Variants in DPP10 observed in about 807,000 individuals in gnomAD.
The protein encoded by DPP10 is dipeptidyl peptidase like 10, also known as inactive dipeptidyl peptidase 10.
A neutral mutation model predicts 120.9 loss-of-function variants in DPP10; 33 were observed. The ratio of observed to expected loss-of-function variants is 0.27; its 90% confidence interval spans 0.21 to 0.37. DPP10 has a LOEUF of 0.37. Among genes scored for constraint, DPP10 ranks in the 10% least tolerant of loss-of-function variants. The probability of loss-of-function intolerance (pLI) is 1.00; values close to 1 mark genes in which losing one functional copy is unlikely to be tolerated. For missense variants in DPP10, 816 were observed against 942.8 expected (o/e 0.87, Z 1.76); for synonymous variants, 337 against 326.1 (o/e 1.03, Z -0.36).
intron 3 of DPP10, among the ~76,000 whole-genome samples, chr2:115,464,568 T>C (rs2074197032): frequency 6.6e-6 from 1 of 152,042 alleles, no homozygotes; most frequent in Admixed American, 6.6e-5. Flanking sequence ...TGCCCCAGCC[T>C]GTATGTTGAA....
intron 1 of DPP10, among the ~76,000 whole-genome samples, chr2:115,300,823 C>A (rs1026970544): frequency 1.3e-5 from 2 of 151,812 alleles, no homozygotes; most frequent in Non-Finnish European, 2.9e-5. Flanking sequence ...AAATCTGAAG[C>A]CTTGTTTCTT....
chr2:115,048,532 T>G (rs928345209), intron 1 of DPP10, among the ~76,000 whole-genome samples: 1 of 152,078 alleles, frequency 6.6e-6, no homozygotes, highest in African/African-American at 2.4e-5. Flanking sequence ...TCACCAGTTG[T>G]TTTTTATTTG....
At chr2:114,954,079 C>CTT (rs1558917538) in intron 1 of DPP10, among the ~76,000 whole-genome samples, 1 of 30,762 alleles carries the variant, frequency 3.3e-5, no homozygotes. Flanking sequence ...ATTAAGAAGT[C>CTT]CTTTTTTTTT....
chr2:114,850,697 T>C (rs1378266952), intron 1 of DPP10, among the ~76,000 whole-genome samples: 1 of 152,014 alleles, frequency 6.6e-6, no homozygotes, highest in Admixed American at 6.6e-5. Flanking sequence ...GAATGGGGAG[T>C]CCACTTCTCT....
At chr2:115,352,359 A>G (rs1406136155) in intron 3 of DPP10, among the ~76,000 whole-genome samples, 1 of 152,202 alleles carries the variant, frequency 6.6e-6, no homozygotes, top group Non-Finnish European at 1.5e-5. Context: ...ACAGAGCTTC[A>G]TATATTCCAG....
chr2:114,560,365 G>T (rs1322357733), intron 1 of DPP10, among the ~76,000 whole-genome samples: 2 of 152,148 alleles, frequency 1.3e-5, no homozygotes, highest in Non-Finnish European at 2.9e-5. Flanking sequence ...ACAAAACAAA[G>T]AGAAGATGGT....
At chr2:115,315,461 A>G in intron 2 of DPP10, among the ~76,000 whole-genome samples, 1 of 152,150 alleles carries the variant, frequency 6.6e-6, no homozygotes, top group Admixed American at 6.6e-5. Flanking sequence ...ATAGTTAGTT[A>G]AAATGTTATG....
intron 1 of DPP10, among the ~76,000 whole-genome samples, chr2:114,873,155 G>A (rs1320331109): frequency 6.6e-6 from 1 of 152,160 alleles, no homozygotes; most frequent in Non-Finnish European, 1.5e-5. Flanking sequence ...CTAAAGTAAA[G>A]AAGTCCTTTA....
At chr2:115,553,027 C>T (rs529930731) in intron 5 of DPP10, among the ~76,000 whole-genome samples, 1 of 152,158 alleles carries the variant, frequency 6.6e-6, no homozygotes, top group South Asian at 2.1e-4. Flanking sequence ...CAGACAAAAA[C>T]GTCCCTGTAG....
chr2:114,820,439 A>G lies in DPP10; in HGVS notation c.60+377601A>G, dbSNP rs189520496. Among the ~76,000 whole-genome samples, 259 of 152,356 alleles carry G rather than the reference A, an allele frequency of 1.7e-3. 2 individuals carry two copies. The highest frequency in any genetic ancestry group is 5.8e-3 in the African/African-American group (240 of 41,590). ...CAACAGGTCTTTGATTTTTGAAAGT[A>G]GTAAGTGTATCTATTAAGCAGTAAA... On this transcript the variant is annotated intron_variant, in intron 1 of 25. Transcript: ENST00000410059.
At chr2:114,606,925 A>G (rs1377629695) in intron 1 of DPP10, among the ~76,000 whole-genome samples, 1 of 152,156 alleles carries the variant, frequency 6.6e-6, no homozygotes, top group Non-Finnish European at 1.5e-5. Context: ...AATAATCATG[A>G]CTTCTCTATT....
At chr2:115,322,859 A>T (rs1000783608) in intron 2 of DPP10, among the ~76,000 whole-genome samples, 1 of 152,200 alleles carries the variant, frequency 6.6e-6, no homozygotes, top group Non-Finnish European at 1.5e-5. Context: ...CAGACCTTAA[A>T]TAAAAACTGC....
intron 1 of DPP10, among the ~76,000 whole-genome samples, chr2:115,287,758 G>A (rs1270265572): frequency 6.6e-6 from 1 of 151,918 alleles, no homozygotes; most frequent in Admixed American, 6.6e-5. Flanking sequence ...TTTTACAATC[G>A]CTACAAAAAT....
Position 115,522,473 on chromosome 2 carries a change from A to G in DPP10, c.367-3425A>G, listed in dbSNP as rs145957618. 2.6e-5 allele frequency among the ~76,000 whole-genome samples: 4 copies of G among 152,314 alleles called. No individual in the cohort carries two copies. The East Asian group carries it at 7.7e-4, about 29-fold the overall frequency. Reference sequence around the variant, plus strand: ...ACATAAGATTCGCTTGAATGGAATGATACGTACAAAACAGGCACCACCAAA... The same window carrying G: ...ACATAAGATTCGCTTGAATGGAATGGTACGTACAAAACAGGCACCACCAAA... On this transcript the variant is annotated intron_variant, in intron 4 of 25. Transcript: ENST00000410059.
intron 1 of DPP10, among the ~76,000 whole-genome samples, chr2:114,786,441 A>T (rs147224466): frequency 6.1e-4 from 93 of 152,338 alleles, no homozygotes; most frequent in African/African-American, 2.1e-3. Context: ...GTGTCTGCCC[A>T]GATGGTGAGG....
chr2:115,107,271 C>T (rs2048994825), intron 1 of DPP10, among the ~76,000 whole-genome samples: 1 of 151,370 alleles, frequency 6.6e-6, no homozygotes, highest in Non-Finnish European at 1.5e-5. Context: ...ATTGTTCAGT[C>T]TAATTAAGTA....
At chr2:114,816,878 A>G (rs1334687845) in intron 1 of DPP10, among the ~76,000 whole-genome samples, 2 of 152,252 alleles carry the variant, frequency 1.3e-5, no homozygotes, top group South Asian at 4.1e-4. Context: ...AGCCTTCCAT[A>G]TAATCTTTCA....
chr2:114,560,864 T>A (rs1688710365), intron 1 of DPP10, among the ~76,000 whole-genome samples: 1 of 152,270 alleles, frequency 6.6e-6, no homozygotes, highest in Non-Finnish European at 1.5e-5. Flanking sequence ...TTTGATTCAC[T>A]ATACTTCATG....
At chr2:114,580,514 G>A (rs1690410949) in intron 1 of DPP10, among the ~76,000 whole-genome samples, 1 of 152,182 alleles carries the variant, frequency 6.6e-6, no homozygotes. Context: ...GAGTTTTATA[G>A]AATGAGACGG....
Sources: allele counts gnomAD v4.1 joint callset (sites outside exome capture counted in the v4.1 genomes callset), GRCh38; gene constraint gnomAD v4.1.1; transcripts MANE v1.5; gene names NCBI Gene and HGNC (gene_info 2026-07-23, HGNC 2026-07-21).